OR14I1: variants seen among roughly 807,000 people sequenced by gnomAD.
OR14I1 encodes olfactory receptor 14I1.
For missense variants in OR14I1, 279 were observed against 181.8 expected, an observed-to-expected ratio of 1.53 and a Z score of -3.07; for synonymous variants, 118 against 71.1, an observed-to-expected ratio of 1.66 and a Z score of -3.32.
At chr1:248,693,018 G>A in the OR14I1 span, among the ~76,000 whole-genome samples, 1 of 152,186 alleles carries the variant, frequency 6.6e-6, no homozygotes, top group Non-Finnish European at 1.5e-5. Context: ...CGATTTCCCT[G>A]AAGGTTATAG....
chr1:248,682,317 T>A, exon 1 of OR14I1: 1 of 719,736 alleles, frequency 1.4e-6, no homozygotes, highest in Admixed American at 2.1e-5. Flanking sequence ...GGCAGGGAAA[T>A]CTGTGATCTG....
the OR14I1 span, among the ~76,000 whole-genome samples, chr1:248,697,477 T>TAAAAAA: frequency 3.9e-5 from 5 of 127,688 alleles, no homozygotes; most frequent in South Asian, 1.3e-3. Flanking sequence ...TGGTTAGGTT[T>TAAAAAA]AAAAAAAAAA....
chr1:248,695,469 G>A, the OR14I1 span, among the ~76,000 whole-genome samples: 4 of 152,166 alleles, frequency 2.6e-5, no homozygotes, highest in South Asian at 2.1e-4. Flanking sequence ...ACCTGACCTC[G>A]TGATCCACCT....
chr1:248,689,511 A>T, the OR14I1 span, among the ~76,000 whole-genome samples: 4 of 152,226 alleles, frequency 2.6e-5, no homozygotes, highest in African/African-American at 7.2e-5. Flanking sequence ...GCAGAGTTTG[A>T]ATCCAAGAGG....
chr1:248,679,388 C>T (rs1026608780), downstream of OR14I1, among the ~76,000 whole-genome samples: 5 of 151,482 alleles, frequency 3.3e-5, no homozygotes, highest in African/African-American at 1.2e-4. Flanking sequence ...ATGTTTAGTA[C>T]TAATATAATA....
rs756120281 is a variant in OR14I1, at chr1:248,682,109, CGG to C, written c.194_195del (p.Ser65CysfsTer13). ...ACTGAGATGTAGCACAGATCCAAAA[CGG>C]AGAGGTTCTTCAGGAAGAAGTACAT... On this transcript the variant is annotated frameshift_variant, in exon 1 of 1. Transcript: ENST00000342623. LOFTEE classifies it low-confidence loss of function (END_TRUNC). The C allele has an allele frequency of 1.3e-6, 1 of 780,970 alleles. No individual in the cohort carries two copies. Among genetic ancestry groups the C allele is most frequent in the Non-Finnish European group, 2.4e-6 (1 of 418,094 alleles). 48.4% of individuals were successfully genotyped at this position (780,970 alleles called of 1,614,324 possible).
the OR14I1 span, among the ~76,000 whole-genome samples, chr1:248,694,363 A>C: frequency 6.6e-6 from 1 of 152,208 alleles, no homozygotes; most frequent in Non-Finnish European, 1.5e-5. Context: ...AAAATAAATA[A>C]TATATGCCTA....
chr1:248,692,452 G>A, the OR14I1 span, among the ~76,000 whole-genome samples: 1 of 152,244 alleles, frequency 6.6e-6, no homozygotes, highest in East Asian at 1.9e-4. Context: ...CCACATCCCT[G>A]CTCTGATTCC....
At chr1:248,693,283 G>T in the OR14I1 span, among the ~76,000 whole-genome samples, 1 of 152,122 alleles carries the variant, frequency 6.6e-6, no homozygotes, top group Non-Finnish European at 1.5e-5. Flanking sequence ...TCACGGCCAG[G>T]AGCATTGACT....
chr1:248,685,470 A>G, upstream of OR14I1, among the ~76,000 whole-genome samples: 1 of 152,308 alleles, frequency 6.6e-6, no homozygotes, highest in South Asian at 2.1e-4. Context: ...CAGAATCAGC[A>G]GTGTACAGGA....
At chr1:248,699,587 G>A in the OR14I1 span, among the ~76,000 whole-genome samples, 3 of 152,144 alleles carry the variant, frequency 2.0e-5, no homozygotes, top group East Asian at 5.8e-4. Context: ...GGGCCTGGCT[G>A]GAAGCATCTT....
At chr1:248,681,844 G>A (rs1481598640) in exon 1 of OR14I1, 1 of 781,082 alleles carries the variant, frequency 1.3e-6, no homozygotes, top group Admixed American at 1.7e-5. Flanking sequence ...GTGGACGGCT[G>A]CGTAGGAAAA....
downstream of OR14I1, among the ~76,000 whole-genome samples, chr1:248,679,297 G>A (rs1004723713): frequency 3.3e-5 from 5 of 152,070 alleles, no homozygotes; most frequent in Admixed American, 6.6e-5. Flanking sequence ...TTAGAATAAT[G>A]TTAATATTTT....
downstream of OR14I1, among the ~76,000 whole-genome samples, chr1:248,678,456 A>G (rs1241209187): frequency 6.6e-6 from 1 of 152,248 alleles, no homozygotes; most frequent in Non-Finnish European, 1.5e-5. Context: ...TTGGAAGTCA[A>G]TTACACGAAA....
At chr1:248,697,012 T>C in the OR14I1 span, 1 of 152,192 alleles carries the variant, frequency 6.6e-6, no homozygotes, top group East Asian at 1.9e-4. Context: ...CTAGCCAGTC[T>C]TCTATCTTTT....
At chr1:248,699,414 A>G in the OR14I1 span, among the ~76,000 whole-genome samples, 1 of 152,200 alleles carries the variant, frequency 6.6e-6, no homozygotes, top group Non-Finnish European at 1.5e-5. Flanking sequence ...TTGATTAAGG[A>G]AAGATTGGGA....
upstream of OR14I1, among the ~76,000 whole-genome samples, chr1:248,684,759 T>TATATATATATATATATATATATAC (rs1186620980): frequency 3.2e-4 from 5 of 15,778 alleles, 1 homozygote; most frequent in African/African-American, 3.9e-4. Flanking sequence ...CACACATACA[T>TATATATATATATATATATATATAC]ATATATATAT....
the OR14I1 span, among the ~76,000 whole-genome samples, chr1:248,690,993 AC>A: frequency 1.3e-5 from 2 of 152,232 alleles, no homozygotes; most frequent in African/African-American, 4.8e-5. Flanking sequence ...GACAAAAACC[AC>A]ATGATTATCT....
the OR14I1 span, among the ~76,000 whole-genome samples, chr1:248,694,550 C>T: frequency 2.0e-5 from 3 of 151,782 alleles, no homozygotes; most frequent in Non-Finnish European, 4.4e-5. Flanking sequence ...TTGTTTTTTT[C>T]CCCTTAAAAG....
Sources: gnomAD v4.1 joint callset for allele counts (sites outside exome capture counted in the v4.1 genomes callset) on GRCh38, gnomAD v4.1.1 for gene constraint, MANE v1.5 for transcripts, NCBI Gene and HGNC (gene_info 2026-07-23, HGNC 2026-07-21) for gene names.